Variants in KHDRBS2 observed in about 807,000 individuals in gnomAD.
The protein encoded by KHDRBS2 is KH RNA binding domain containing, signal transduction associated 2.
Under a neutral mutation model 44.3 loss-of-function variants are expected in KHDRBS2, and 26 were observed. That is an observed-to-expected ratio of 0.59 (90% CI 0.43 to 0.81). The LOEUF is 0.81. Among genes scored for constraint, KHDRBS2 ranks in the 40% least tolerant of loss-of-function variants. The probability of loss-of-function intolerance (pLI) is 0.00; values close to 1 mark genes in which losing one functional copy is unlikely to be tolerated. For missense variants in KHDRBS2, 476 were observed against 433.1 expected (o/e 1.10, Z -0.88); for synonymous variants, 194 against 151.1 (o/e 1.28, Z -2.08).
intron 6 of KHDRBS2, among the ~76,000 whole-genome samples, chr6:61,849,646 T>C (rs78663764): frequency 1.9e-4 from 29 of 150,304 alleles, no homozygotes; most frequent in African/African-American, 6.8e-4. Context: ...TTTTTTTTTT[T>C]CCTAAACTAA....
the KHDRBS2 span, among the ~76,000 whole-genome samples, chr6:61,550,119 G>A: frequency 6.6e-6 from 1 of 152,068 alleles, no homozygotes; most frequent in Non-Finnish European, 1.5e-5. Context: ...CATGTCATTG[G>A]GGTTTGGTGT....
the KHDRBS2 span, among the ~76,000 whole-genome samples, chr6:61,646,812 C>CA: frequency 6.6e-6 from 1 of 152,050 alleles, no homozygotes; most frequent in South Asian, 2.1e-4. Context: ...ATATATGCTA[C>CA]AATTTTATTT....
At chr6:61,963,409 A>C (rs1769200671) in intron 4 of KHDRBS2, among the ~76,000 whole-genome samples, 1 of 152,098 alleles carries the variant, frequency 6.6e-6, no homozygotes, top group Non-Finnish European at 1.5e-5. Flanking sequence ...AAGTATGTTG[A>C]GATGAAATTA....
chr6:61,910,731 T>A (rs1320699719), intron 4 of KHDRBS2, among the ~76,000 whole-genome samples: 1 of 152,162 alleles, frequency 6.6e-6, no homozygotes, highest in African/African-American at 2.4e-5. Context: ...CTTTTATCCA[T>A]CCTACCCTAG....
At chr6:62,210,209 AAAG>A (rs887259978) in intron 1 of KHDRBS2, among the ~76,000 whole-genome samples, 59 of 152,278 alleles carry the variant, frequency 3.9e-4, no homozygotes, top group African/African-American at 1.2e-3. Flanking sequence ...AATATAAAAT[AAAG>A]AAGATGTTCC....
intron 6 of KHDRBS2, among the ~76,000 whole-genome samples, chr6:61,803,406 T>C (rs1346548387): frequency 6.6e-6 from 1 of 152,152 alleles, no homozygotes; most frequent in African/African-American, 2.4e-5. Context: ...AAAAATTACG[T>C]ATTACTGAGA....
At chr6:62,168,281 A>G (rs560966120) in intron 2 of KHDRBS2, among the ~76,000 whole-genome samples, 2 of 152,286 alleles carry the variant, frequency 1.3e-5, no homozygotes, top group Admixed American at 1.3e-4. Context: ...ACTCAAGTCA[A>G]GAAATATAAA....
chr6:61,849,065 T>G (rs761755384), intron 6 of KHDRBS2, among the ~76,000 whole-genome samples: 30 of 152,210 alleles, frequency 2.0e-4, no homozygotes, highest in Admixed American at 3.3e-4. Flanking sequence ...TGTTTTCTCC[T>G]GAGTTTGCTT....
At chr6:61,884,058 T>C (rs1327279694) in intron 6 of KHDRBS2, among the ~76,000 whole-genome samples, 1 of 152,118 alleles carries the variant, frequency 6.6e-6, no homozygotes, top group Admixed American at 6.6e-5. Flanking sequence ...TATCATTTAA[T>C]ACCTATTTCC....
At chr6:62,130,324 C>T (rs962391233) in intron 2 of KHDRBS2, among the ~76,000 whole-genome samples, 9 of 152,068 alleles carry the variant, frequency 5.9e-5, no homozygotes, top group African/African-American at 1.2e-4. Flanking sequence ...TCCAGAGGTC[C>T]GCTGCATAGT....
intron 8 of KHDRBS2, among the ~76,000 whole-genome samples, chr6:61,690,803 A>G (rs1561974192): frequency 1.3e-5 from 2 of 152,082 alleles, no homozygotes; most frequent in Admixed American, 6.6e-5. Context: ...TTCAGTAGTC[A>G]TGAGAAGCAG....
rs1772951787 is a variant in KHDRBS2, at chr6:61,723,078, G to C, written c.893+9604C>G. ...TCACTGGTGATACCTTCAGGTATGG[G>C]AAAAACTGAGGCAACTAGGGTCTGA... On this transcript the variant is annotated intron_variant, in intron 7 of 8. Coordinates refer to ENST00000281156, the MANE Select transcript of KHDRBS2 (RefSeq NM_152688.4). Among the ~76,000 whole-genome samples the C allele has an allele frequency of 2.0e-5, 3 of 152,062 alleles. No homozygotes were observed. In the South Asian group the frequency reaches 6.2e-4, roughly 31 times the overall value.
intron 8 of KHDRBS2, among the ~76,000 whole-genome samples, chr6:61,695,106 A>G (rs958086512): frequency 6.6e-6 from 1 of 152,114 alleles, no homozygotes; most frequent in African/African-American, 2.4e-5. Flanking sequence ...TTTAGGAAGG[A>G]CGATTTAGGA....
At chr6:61,715,898 C>A (rs1477748685) in intron 7 of KHDRBS2, among the ~76,000 whole-genome samples, 5 of 151,384 alleles carry the variant, frequency 3.3e-5, no homozygotes, top group African/African-American at 9.7e-5. Flanking sequence ...TGTTTAATTT[C>A]TTTAAATTAG....
At chr6:61,609,548 A>G in the KHDRBS2 span, among the ~76,000 whole-genome samples, 1 of 152,208 alleles carries the variant, frequency 6.6e-6, no homozygotes, top group Non-Finnish European at 1.5e-5. Context: ...TAACATTTTT[A>G]CATTATGTAG....
chr6:61,921,310 C>A (rs2127359343), intron 4 of KHDRBS2, among the ~76,000 whole-genome samples: 1 of 151,966 alleles, frequency 6.6e-6, no homozygotes, highest in Non-Finnish European at 1.5e-5. Context: ...TTATATTATT[C>A]ATCTATTGAG....
intron 6 of KHDRBS2, among the ~76,000 whole-genome samples, chr6:61,803,284 T>TGTAA (rs1409576925): frequency 1.3e-5 from 2 of 152,126 alleles, no homozygotes; most frequent in African/African-American, 2.4e-5. Context: ...TATTAAGAAG[T>TGTAA]GTAAGAATCA....
intron 2 of KHDRBS2, among the ~76,000 whole-genome samples, chr6:62,050,901 C>A (rs1302078045): frequency 6.6e-6 from 1 of 152,018 alleles, no homozygotes; most frequent in African/African-American, 2.4e-5. Context: ...AAGTGCTCAT[C>A]CTAGAAGTAC....
intron 1 of KHDRBS2, among the ~76,000 whole-genome samples, chr6:62,192,882 A>T (rs960551786): frequency 6.6e-6 from 1 of 152,172 alleles, no homozygotes; most frequent in African/African-American, 2.4e-5. Flanking sequence ...TGTCACAATG[A>T]AACAGTCATT....
Sources: allele counts gnomAD v4.1 joint callset (sites outside exome capture counted in the v4.1 genomes callset), GRCh38; gene constraint gnomAD v4.1.1; transcripts MANE v1.5; gene names NCBI Gene and HGNC (gene_info 2026-07-23, HGNC 2026-07-21).